Variants in PLCL2 observed in about 807,000 individuals in gnomAD.
PLCL2 encodes inactive phospholipase C-like protein 2.
PLCL2 carries 4 observed loss-of-function variants against 79.6 expected under a neutral mutation model. The observed-to-expected ratio is 0.05, with a 90% CI of 0.02 to 0.11. PLCL2 has a LOEUF of 0.11. Among genes scored for constraint, PLCL2 ranks in the 10% least tolerant of loss-of-function variants. The probability of loss-of-function intolerance (pLI) is 1.00; values close to 1 mark genes in which losing one functional copy is unlikely to be tolerated. For synonymous variants in PLCL2, 484 were observed against 457.7 expected, an observed-to-expected ratio of 1.06 and a Z score of -0.73; for missense variants, 895 against 1,291.0, an observed-to-expected ratio of 0.69 and a Z score of 4.70.
At chr3:16,992,771 T>A (rs958855592) in intron 1 of PLCL2, among the ~76,000 whole-genome samples, 2 of 152,122 alleles carry the variant, frequency 1.3e-5, no homozygotes, top group African/African-American at 2.4e-5. Flanking sequence ...GGATTAAGGA[T>A]CCATGCCCAT....
intron 1 of PLCL2, among the ~76,000 whole-genome samples, chr3:16,904,240 C>T (rs77540432): frequency 6.7e-6 from 1 of 149,702 alleles, no homozygotes; most frequent in African/African-American, 2.5e-5. Flanking sequence ...ACTGCCCGCA[C>T]AGTTGTCAAT....
At position 16,895,657 on chromosome 3, in the gene PLCL2, A is replaced by G. The variant is rs149552993; in HGVS notation, c.327+10291A>G. Among the ~76,000 whole-genome samples the G allele has an allele frequency of 5.0e-3, 766 of 152,334 alleles. 2 individuals are homozygous for G. The highest frequency in any genetic ancestry group is 0.031 in the Middle Eastern group (9 of 294). ...ATATGTATATTGAAAGACATTTCCAAGAGTCCTTAAAGCAGCATTAATTCT... is the reference window on the plus strand; with the variant it reads ...ATATGTATATTGAAAGACATTTCCAGGAGTCCTTAAAGCAGCATTAATTCT... On this transcript the variant is annotated intron_variant, in intron 1 of 5. Transcript: ENST00000615277.
intron 4 of PLCL2, among the ~76,000 whole-genome samples, chr3:17,051,388 T>G (rs920885035): frequency 2.0e-5 from 3 of 152,164 alleles, no homozygotes; most frequent in African/African-American, 7.2e-5. Flanking sequence ...ATTACATGCC[T>G]GTATCAAAAC....
intron 1 of PLCL2, among the ~76,000 whole-genome samples, chr3:16,994,899 C>A (rs555973172): frequency 4.1e-4 from 63 of 152,318 alleles, no homozygotes; most frequent in African/African-American, 1.5e-3. Context: ...ATACAGGCAT[C>A]GTGATGAGAT....
chr3:17,029,737 C>G (rs958056735), intron 3 of PLCL2, among the ~76,000 whole-genome samples: 3 of 152,152 alleles, frequency 2.0e-5, no homozygotes, highest in South Asian at 4.1e-4. Context: ...CCAACACCTA[C>G]TGACCCTGGT....
intron 1 of PLCL2, among the ~76,000 whole-genome samples, chr3:16,961,696 A>G (rs1363102688): frequency 6.6e-6 from 1 of 152,222 alleles, no homozygotes; most frequent in African/African-American, 2.4e-5. Flanking sequence ...CAGAGGAAGC[A>G]TTCTCATTTT....
chr3:17,058,323 C>A (rs915910879), intron 4 of PLCL2, among the ~76,000 whole-genome samples: 1 of 152,144 alleles, frequency 6.6e-6, no homozygotes, highest in African/African-American at 2.4e-5. Context: ...GAAGCTTTAA[C>A]ATAATATTAA....
chr3:16,941,036 C>T (rs1273333849), intron 1 of PLCL2, among the ~76,000 whole-genome samples: 1 of 152,114 alleles, frequency 6.6e-6, no homozygotes, highest in African/African-American at 2.4e-5. Flanking sequence ...CTTATTCTAA[C>T]CCTGCCTGCA....
chr3:17,002,614 G>A (rs2064222089), intron 1 of PLCL2, among the ~76,000 whole-genome samples: 1 of 152,128 alleles, frequency 6.6e-6, no homozygotes, highest in African/African-American at 2.4e-5. Flanking sequence ...GTTTGATCCT[G>A]CTTGAGCTTC....
At chr3:17,069,108 G>T (rs909810768) in intron 5 of PLCL2, among the ~76,000 whole-genome samples, 4 of 152,194 alleles carry the variant, frequency 2.6e-5, no homozygotes, top group Non-Finnish European at 4.4e-5. Flanking sequence ...GAAGCATGGG[G>T]AATGGCAGGA....
chr3:16,895,340 T>C (rs1696454476), intron 1 of PLCL2, among the ~76,000 whole-genome samples: 1 of 152,190 alleles, frequency 6.6e-6, no homozygotes, highest in Non-Finnish European at 1.5e-5. Context: ...ATTTAACCAC[T>C]GGAGTCTTAT....
chr3:16,932,120 T>G (rs1697416203), intron 1 of PLCL2, among the ~76,000 whole-genome samples: 1 of 152,228 alleles, frequency 6.6e-6, no homozygotes, highest in Admixed American at 6.5e-5. Context: ...TATGTTGTTT[T>G]AAGCTACCAG....
intron 3 of PLCL2, among the ~76,000 whole-genome samples, chr3:17,040,874 T>G (rs752290301): frequency 1.6e-4 from 24 of 152,224 alleles, no homozygotes; most frequent in Non-Finnish European, 3.1e-4. Flanking sequence ...CACTCCTGCT[T>G]TTGCTCCTGT....
In PLCL2 at chr3:17,010,050, C is replaced by T; in HGVS notation, c.704C>T (p.Ser235Phe). ...NYESLDLVAN[S>F]ADVANIWVTG... ...GAGTCACTGGATTTGGTTGCCAACT[C>T]CGCAGATGTTGCAAACATCTGGGTT... Residue 235 changes from serine (S) to phenylalanine (F), a missense_variant, in exon 2 of 6, where the codon TCC becomes TTC. Ser to Phe is a radical substitution (Grantham distance 155). This residue lies in a region of PLCL2 where 129 missense variants were observed against 208.8 expected (regional missense o/e 0.62). Transcript: ENST00000615277. This position sits in a 1 kb window ranked among gnomAD's most constrained non-coding sequence, Gnocchi z 5.8. 3 of 1,612,690 alleles carry T rather than the reference C, an allele frequency of 1.9e-6. No homozygotes were observed. Among genetic ancestry groups the T allele is most frequent in the Non-Finnish European group, 2.5e-6 (3 of 1,178,738 alleles).
chr3:17,037,464 AC>A (rs904740865), intron 3 of PLCL2, among the ~76,000 whole-genome samples: 21 of 152,240 alleles, frequency 1.4e-4, no homozygotes, highest in Non-Finnish European at 3.1e-4. Context: ...ATGTGAAAGA[AC>A]AAAGTTTTTT....
intron 3 of PLCL2, among the ~76,000 whole-genome samples, chr3:17,025,923 C>T (rs2064513060): frequency 6.6e-6 from 1 of 152,160 alleles, no homozygotes; most frequent in African/African-American, 2.4e-5. Flanking sequence ...CCTCACCAAA[C>T]CTCTCAGAGC....
chr3:16,943,629 T>G (rs1421444592), intron 1 of PLCL2, among the ~76,000 whole-genome samples: 1 of 152,246 alleles, frequency 6.6e-6, no homozygotes, highest in Non-Finnish European at 1.5e-5. Context: ...TGTTTTTGCA[T>G]GTATACATAA....
At chr3:16,889,343 A>G (rs539296660) in intron 1 of PLCL2, among the ~76,000 whole-genome samples, 1 of 152,330 alleles carries the variant, frequency 6.6e-6, no homozygotes, top group South Asian at 2.1e-4. Context: ...TGGTTAAGGC[A>G]GCATCAGTGG....
At position 16,887,613 on chromosome 3, in the gene PLCL2, G is replaced by C. The variant is rs1461497109; in HGVS notation, c.327+2247G>C. ...GTAACTACTTGGTATATTTCCCTTT[G>C]AATTGGTGCCTTGAAGCATCAAGAT... On this transcript the variant is annotated intron_variant, in intron 1 of 5. Coordinates refer to ENST00000615277, the MANE Select transcript of PLCL2 (RefSeq NM_001144382.2). This position sits in a 1 kb window ranked among gnomAD's most constrained non-coding sequence, Gnocchi z 4.1. 2.0e-5 allele frequency among the ~76,000 whole-genome samples: 3 copies of C among 152,166 alleles called. No homozygotes were observed. The highest frequency in any genetic ancestry group is 4.4e-5 in the Non-Finnish European group (3 of 68,028).
Sources: gnomAD v4.1 joint callset for allele counts (sites outside exome capture counted in the v4.1 genomes callset) on GRCh38, gnomAD v4.1.1 for gene constraint, gnomAD v4.1.1 regional missense constraint, Gnocchi (gnomAD v3.1) non-coding constraint, MANE v1.5 for transcripts, NCBI Gene and HGNC (gene_info 2026-07-23, HGNC 2026-07-21) for gene names.